Variants in NRG1 observed in about 807,000 individuals in gnomAD.
NRG1 encodes the protein pro-neuregulin-1, membrane-bound isoform.
NRG1 carries 18 observed loss-of-function variants against 63.8 expected under a neutral mutation model. That is an observed-to-expected ratio of 0.28 (90% CI 0.19 to 0.42). The LOEUF (loss-of-function observed/expected upper bound fraction) is 0.42. Among genes scored for constraint, NRG1 ranks in the 10% least tolerant of loss-of-function variants. The pLI is 1.00. For synonymous variants in NRG1, 302 were observed against 301.3 expected (o/e 1.00, Z -0.02); for missense variants, 762 against 814.7 (o/e 0.94, Z 0.79).
chr8:32,693,573 A>G (rs951899871), intron 5 of NRG1, among the ~76,000 whole-genome samples: 5 of 150,344 alleles, frequency 3.3e-5, no homozygotes, highest in African/African-American at 1.2e-4. Flanking sequence ...AAAAAGCCTC[A>G]TGTTTCCAAA....
At chr8:32,652,099 C>G (rs1225726006) in intron 5 of NRG1, among the ~76,000 whole-genome samples, 1 of 152,018 alleles carries the variant, frequency 6.6e-6, no homozygotes, top group Non-Finnish European at 1.5e-5. Flanking sequence ...AACACACACA[C>G]TCTCTCTCTC....
intron 7 of NRG1, among the ~76,000 whole-genome samples, chr8:32,748,358 C>CACAGAGAGAG (rs748763782): frequency 0.021 from 2,552 of 121,956 alleles, 68 homozygotes; most frequent in Non-Finnish European, 0.033. Flanking sequence ...CACACACACA[C>CACAGAGAGAG]AGAGAGAGAG....
intron 1 of NRG1, among the ~76,000 whole-genome samples, chr8:32,067,852 T>A (rs938784729): frequency 6.6e-6 from 1 of 152,196 alleles, no homozygotes; most frequent in African/African-American, 2.4e-5. Context: ...AAAAATCCCC[T>A]TTTTAATCCC....
At position 32,173,305 on chromosome 8, in the gene NRG1, C is replaced by A. The variant is rs985530530; in HGVS notation, c.38-422523C>A. On this transcript the variant is annotated intron_variant, in intron 1 of 10. Transcript: ENST00000519301. ...AAGCAAATGCTGAGAGATTTTGTCA[C>A]CACCAGGCCTGCCCTAAAAGAGCTC... 5.3e-4 allele frequency among the ~76,000 whole-genome samples: 80 copies of A among 152,248 alleles called. 1 individual carries two copies. Among genetic ancestry groups the A allele is most frequent in the African/African-American group, 1.8e-3 (75 of 41,554 alleles).
At chr8:32,468,336 G>A (rs1266317810) in intron 1 of NRG1, among the ~76,000 whole-genome samples, 1 of 151,992 alleles carries the variant, frequency 6.6e-6, no homozygotes, top group East Asian at 1.9e-4. Context: ...TCTTTTAGTT[G>A]GTTCTTGAGA....
chr8:31,758,535 A>G (rs903411016), intron 1 of NRG1, among the ~76,000 whole-genome samples: 2 of 152,202 alleles, frequency 1.3e-5, no homozygotes, highest in Non-Finnish European at 2.9e-5. Flanking sequence ...CTGTGCAGCC[A>G]TAAAAAAGGA....
chr8:31,816,556 C>T (rs976509139), intron 1 of NRG1, among the ~76,000 whole-genome samples: 4 of 152,080 alleles, frequency 2.6e-5, no homozygotes, highest in African/African-American at 9.7e-5. Context: ...TTATATGGTC[C>T]TGTAAAAGTT....
At chr8:32,673,680 G>A (rs536690203) in intron 5 of NRG1, among the ~76,000 whole-genome samples, 1 of 152,194 alleles carries the variant, frequency 6.6e-6, no homozygotes, top group South Asian at 2.1e-4. Flanking sequence ...GGCATCTACA[G>A]GAAAAGAATC....
At chr8:31,941,508 CTTCTA>C (rs1445108142) in intron 1 of NRG1, among the ~76,000 whole-genome samples, 2 of 152,108 alleles carry the variant, frequency 1.3e-5, no homozygotes, top group African/African-American at 4.8e-5. Context: ...ACTTTCACCA[CTTCTA>C]TTCAACATCG....
intron 1 of NRG1, among the ~76,000 whole-genome samples, chr8:31,859,953 C>T (rs945031811): frequency 2.0e-5 from 3 of 152,162 alleles, no homozygotes; most frequent in Non-Finnish European, 4.4e-5. Context: ...CAGCTCAGTG[C>T]TTAGAAACAA....
At chr8:31,879,231 G>A (rs930713550) in intron 1 of NRG1, among the ~76,000 whole-genome samples, 3 of 152,168 alleles carry the variant, frequency 2.0e-5, no homozygotes, top group Admixed American at 6.5e-5. Flanking sequence ...GGATCAGAAG[G>A]TAGCTAGTGT....
intron 5 of NRG1, among the ~76,000 whole-genome samples, chr8:32,646,293 C>A (rs541895740): frequency 6.6e-6 from 1 of 152,212 alleles, no homozygotes; most frequent in East Asian, 1.9e-4. Flanking sequence ...CAAACAAAGT[C>A]TTACATAGTC....
At chr8:32,752,850 G>A (rs771551409) in intron 7 of NRG1, among the ~76,000 whole-genome samples, 10 of 152,020 alleles carry the variant, frequency 6.6e-5, no homozygotes, top group Non-Finnish European at 1.5e-4. Context: ...TTAATAATCA[G>A]TGCTATATTA....
intron 1 of NRG1, among the ~76,000 whole-genome samples, chr8:31,663,305 T>C (rs1405707917): frequency 6.6e-6 from 1 of 152,206 alleles, no homozygotes; most frequent in Non-Finnish European, 1.5e-5. Context: ...ATTCAAAACA[T>C]ATTCAACTAT....
At position 32,436,105 on chromosome 8, in the gene NRG1, C is replaced by A. The variant is rs1306147861; in HGVS notation, c.38-159723C>A. 2.0e-5 allele frequency among the ~76,000 whole-genome samples: 3 copies of A among 152,260 alleles called. No individual in the cohort carries two copies. In the South Asian group the frequency reaches 6.2e-4, roughly 32 times the overall value. On this transcript the variant is annotated intron_variant, in intron 1 of 10. Coordinates refer to the NRG1 transcript ENST00000519301. Reference sequence around the variant, plus strand: ...AAGAAAAAGAGGTTTAATGAACTCACAGTTCCACATGGCTGGGAAGACCTC... The same window carrying A: ...AAGAAAAAGAGGTTTAATGAACTCAAAGTTCCACATGGCTGGGAAGACCTC...
intron 1 of NRG1, among the ~76,000 whole-genome samples, chr8:32,410,878 A>ATTT (rs150202882): frequency 7.0e-6 from 1 of 141,862 alleles, no homozygotes. Flanking sequence ...CACAACCCAC[A>ATTT]TTTTTTTTTT....
chr8:32,171,025 C>T (rs1025381419), intron 1 of NRG1, among the ~76,000 whole-genome samples: 2 of 152,124 alleles, frequency 1.3e-5, no homozygotes, highest in Admixed American at 1.3e-4. Context: ...ATCATTTACT[C>T]TTGTCCATTA....
intron 1 of NRG1, among the ~76,000 whole-genome samples, chr8:32,255,570 C>T (rs1186848351): frequency 1.3e-5 from 2 of 152,188 alleles, no homozygotes; most frequent in Non-Finnish European, 2.9e-5. Context: ...CTCTGTTAGT[C>T]TTGGACTTTC....
chr8:32,490,072 G>A (rs1826367474), intron 1 of NRG1, among the ~76,000 whole-genome samples: 1 of 152,194 alleles, frequency 6.6e-6, no homozygotes, highest in Non-Finnish European at 1.5e-5. Context: ...GGGAGACCAA[G>A]GTAGGAGGAT....
Sources: gnomAD v4.1 joint callset for allele counts (sites outside exome capture counted in the v4.1 genomes callset) on GRCh38, gnomAD v4.1.1 for gene constraint, MANE v1.5 for transcripts, NCBI Gene and HGNC (gene_info 2026-07-23, HGNC 2026-07-21) for gene names.